The following RAD54B variants were observed in gnomAD, a reference collection of about 807,000 sequenced individuals.
The protein encoded by RAD54B is RAD54 homolog B, also known as DNA repair and recombination protein RAD54B.
Under a neutral mutation model 95.8 loss-of-function variants are expected in RAD54B, and 78 were observed. That is an observed-to-expected ratio of 0.81 (90% CI 0.68 to 0.98). The LOEUF (loss-of-function observed/expected upper bound fraction) is 0.98, where lower values mean the gene tolerates loss of function less well. Among genes scored for constraint, RAD54B ranks in the 50% least tolerant of loss-of-function variants. RAD54B has a pLI of 0.00. For synonymous variants in RAD54B, 328 were observed against 354.9 expected (o/e 0.92, Z 0.85); for missense variants, 957 against 1,056.6 (o/e 0.91, Z 1.31).
intron 3 of RAD54B, among the ~76,000 whole-genome samples, chr8:94,456,047 A>G (rs1812772287): frequency 6.6e-6 from 1 of 152,218 alleles, no homozygotes; most frequent in African/African-American, 2.4e-5. Flanking sequence ...GCCCAGGGTC[A>G]AAAGTACTGA....
rs763832969 is a variant in RAD54B at position 94,380,416 on chromosome 8, A to C, written c.1986-10T>G. Reference sequence around the variant, plus strand: ...GGATACCAACACCACCCTGTCAATCAAAAAGAAAGATTCTTTAGATAAATT... The same window carrying C: ...GGATACCAACACCACCCTGTCAATCCAAAAGAAAGATTCTTTAGATAAATT... On this transcript the variant is annotated splice_polypyrimidine_tract_variant and intron_variant, in intron 11 of 14. Coordinates refer to ENST00000336148, the MANE Select transcript of RAD54B (RefSeq NM_012415.3). 4 of 1,568,666 alleles carry C rather than the reference A, an allele frequency of 2.5e-6. No homozygotes were observed. The highest frequency in any genetic ancestry group is 3.5e-6 in the Non-Finnish European group (4 of 1,157,740).
At chr8:94,438,468 C>T (rs924218653) in intron 3 of RAD54B, among the ~76,000 whole-genome samples, 9 of 152,262 alleles carry the variant, frequency 5.9e-5, no homozygotes, top group Middle Eastern at 3.4e-3. Flanking sequence ...AGAAAATCGA[C>T]CTGCCCCAAC....
intron 2 of RAD54B, among the ~76,000 whole-genome samples, chr8:94,462,919 T>C (rs1430473604): frequency 2.0e-5 from 3 of 152,172 alleles, no homozygotes; most frequent in Admixed American, 1.3e-4. Flanking sequence ...CTCACACCTG[T>C]AATCCCAACA....
chr8:94,467,092 C>G (rs1229058934), intron 2 of RAD54B, among the ~76,000 whole-genome samples: 1 of 152,136 alleles, frequency 6.6e-6, no homozygotes, highest in Non-Finnish European at 1.5e-5. Flanking sequence ...CCACACCCCA[C>G]TAAATTTTTA....
chr8:94,416,553 ACAAAT>A (rs1486376385), intron 3 of RAD54B, among the ~76,000 whole-genome samples: 2 of 152,056 alleles, frequency 1.3e-5, no homozygotes, highest in African/African-American at 4.8e-5. Context: ...AAGACAACAA[ACAAAT>A]CAATAGAAAA....
chr8:94,372,297 G>A lies in RAD54B; in HGVS notation c.2606C>T (p.Ser869Phe). 4 of 1,613,788 alleles carry A rather than the reference G, an allele frequency of 2.5e-6. No individual in the cohort carries two copies. Among genetic ancestry groups the A allele is most frequent in the Non-Finnish European group, 3.4e-6 (4 of 1,179,894 alleles). The change falls in exon 15 of 15, where the codon TCC (serine) becomes TTC (phenylalanine). Residue 869 changes from serine (S) to phenylalanine (F), a missense_variant. Physicochemically the swap from Ser to Phe is radical, Grantham distance 155. Coordinates refer to ENST00000336148, the MANE Select transcript of RAD54B (RefSeq NM_012415.3). Reference sequence around the variant, plus strand: ...AAAATGTTTCCATTGCTTCAGCTGGGACATAGAAAGAGGTTTCAGGGAGTT... The same window carrying A: ...AAAATGTTTCCATTGCTTCAGCTGGAACATAGAAAGAGGTTTCAGGGAGTT... ...KSNSLKPLSM[S>F]QLKQWKHFSG...
chr8:94,374,582 T>C (rs1191773241), intron 14 of RAD54B, among the ~76,000 whole-genome samples: 1 of 151,866 alleles, frequency 6.6e-6, no homozygotes, highest in East Asian at 1.9e-4. Flanking sequence ...GGTAAACAGA[T>C]GGGAAAAGAT....
intron 11 of RAD54B, among the ~76,000 whole-genome samples, chr8:94,383,444 T>C (rs1810791785): frequency 6.6e-6 from 1 of 152,184 alleles, no homozygotes; most frequent in Admixed American, 6.5e-5. Flanking sequence ...GCAGATCTGC[T>C]TTCCACTGTT....
chr8:94,447,184 T>C (rs960094681), intron 3 of RAD54B, among the ~76,000 whole-genome samples: 1 of 152,108 alleles, frequency 6.6e-6, no homozygotes, highest in African/African-American at 2.4e-5. Flanking sequence ...GGAGTCAAAT[T>C]ATAAAATTTA....
intron 3 of RAD54B, among the ~76,000 whole-genome samples, chr8:94,439,537 A>C (rs1586024789): frequency 6.6e-6 from 1 of 152,334 alleles, no homozygotes; most frequent in African/African-American, 2.4e-5. Flanking sequence ...CCAAAGACAC[A>C]GCCCTCAGGT....
intron 2 of RAD54B, among the ~76,000 whole-genome samples, chr8:94,459,589 G>A (rs1812855184): frequency 6.6e-6 from 1 of 152,300 alleles, no homozygotes; most frequent in Non-Finnish European, 1.5e-5. Context: ...GCCGGGCGCA[G>A]TGGCTCACGC....
chr8:94,377,451 G>A (rs557499593), intron 14 of RAD54B, among the ~76,000 whole-genome samples: 1 of 147,668 alleles, frequency 6.8e-6, no homozygotes, highest in Non-Finnish European at 1.5e-5. Context: ...CTGGAAGACT[G>A]CTTGAACCCA....
At chr8:94,403,483 C>G (rs980335185) in intron 6 of RAD54B, among the ~76,000 whole-genome samples, 2 of 151,944 alleles carry the variant, frequency 1.3e-5, no homozygotes, top group Non-Finnish European at 2.9e-5. Flanking sequence ...TCAAGACCAG[C>G]CTGGCCAACA....
chr8:94,451,491 T>G, intron 3 of RAD54B, among the ~76,000 whole-genome samples: 1 of 152,130 alleles, frequency 6.6e-6, no homozygotes, highest in East Asian at 1.9e-4. Context: ...AGTAATAAAT[T>G]TCAAAGTAAC....
chr8:94,376,258 AC>A (rs1376923446), intron 14 of RAD54B, among the ~76,000 whole-genome samples: 8 of 152,286 alleles, frequency 5.3e-5, no homozygotes, highest in African/African-American at 1.9e-4. Flanking sequence ...GAGTTCAGTA[AC>A]AAAAACTAAA....
chr8:94,449,046 ATG>A (rs775044179), intron 3 of RAD54B, among the ~76,000 whole-genome samples: 95 of 94,212 alleles, frequency 1.0e-3, no homozygotes, highest in African/African-American at 3.5e-3. Flanking sequence ...ACACACATGC[ATG>A]CACACACACA....
chr8:94,467,331 C>T (rs1813051466), intron 2 of RAD54B, 74 bp downstream of exon 2: 1 of 1,291,868 alleles, frequency 7.7e-7, no homozygotes. Context: ...ATACTGTTAA[C>T]TCTTTAAATG....
intron 3 of RAD54B, among the ~76,000 whole-genome samples, chr8:94,452,940 CACAAT>C (rs1459539656): frequency 6.6e-6 from 1 of 152,096 alleles, no homozygotes; most frequent in Non-Finnish European, 1.5e-5. Flanking sequence ...GATTGAGCAT[CACAAT>C]ACATGATAAA....
chr8:94,374,734 TA>T (rs1305817792), intron 14 of RAD54B, among the ~76,000 whole-genome samples: 1 of 152,152 alleles, frequency 6.6e-6, no homozygotes, highest in African/African-American at 2.4e-5. Context: ...ACAAGGAAGA[TA>T]TAAAATATAT....
Sources: allele counts gnomAD v4.1 joint callset (sites outside exome capture counted in the v4.1 genomes callset), GRCh38; gene constraint gnomAD v4.1.1; transcripts MANE v1.5; gene names NCBI Gene and HGNC (gene_info 2026-07-23, HGNC 2026-07-21).